Variants in NAA15 observed in about 807,000 individuals in gnomAD.
NAA15 encodes the protein N-terminal acetyltransferase.
A neutral mutation model predicts 114.0 loss-of-function variants in NAA15; 34 were observed. The observed-to-expected ratio is 0.30, with a 90% CI of 0.23 to 0.40. The LOEUF is 0.40. NAA15 is among the 10% of genes least tolerant of loss of function. NAA15 has a pLI of 1.00. For synonymous variants in NAA15, 340 were observed against 338.0 expected (o/e 1.01, Z -0.06); for missense variants, 658 against 1,004.5 (o/e 0.66, Z 4.66).
chr4:139,361,651 C>T (rs1748135026), intron 13 of NAA15, 73 bp from the exon 14 acceptor site: 11 of 890,894 alleles, frequency 1.2e-5, no homozygotes, highest in African/African-American at 5.1e-5. Flanking sequence ...ACAAGTATTC[C>T]AATGCTTTGA....
At chr4:139,366,117 A>G (rs1748275651) in intron 14 of NAA15, among the ~76,000 whole-genome samples, 1 of 151,456 alleles carries the variant, frequency 6.6e-6, no homozygotes, top group Admixed American at 6.6e-5. Context: ...GCTTTATGTT[A>G]TCTATTGCTG....
At chr4:139,347,963 C>T (rs1226150996) in intron 6 of NAA15, among the ~76,000 whole-genome samples, 1 of 146,722 alleles carries the variant, frequency 6.8e-6, no homozygotes, top group African/African-American at 2.5e-5. Context: ...ACCCGGGAAG[C>T]GGAGCTTGCA....
intron 14 of NAA15, among the ~76,000 whole-genome samples, chr4:139,364,761 A>C (rs1483788182): frequency 6.6e-6 from 1 of 152,194 alleles, no homozygotes; most frequent in Non-Finnish European, 1.5e-5. Context: ...ATTTTTGCTT[A>C]TGCATACACG....
At chr4:139,342,776 T>TG in intron 4 of NAA15, 50 bp from the exon 5 acceptor site, 1 of 1,570,212 alleles carries the variant, frequency 6.4e-7, no homozygotes, top group Non-Finnish European at 8.7e-7. Context: ...AAGGAGCACT[T>TG]GCTGTTACTA....
chr4:139,351,144 A>G lies in NAA15; in HGVS notation c.812-47A>G, dbSNP rs1206139194. ...AAGTTCGTAATTTTCCAGAAAAAAT[A>G]TACAATTTATGATTATATATAACAA... is the stretch of plus-strand genomic sequence containing the variant. On this transcript the variant is annotated intron_variant, in intron 7 of 19. Transcript: ENST00000296543. 7.2e-6 allele frequency: 7 copies of G among 970,482 alleles called. No homozygotes were observed. The African/African-American group carries it at 8.3e-5, about 12-fold the overall frequency. 60.1% of individuals were successfully genotyped at this position (970,482 alleles called of 1,614,324 possible). A position where few individuals can be genotyped will look rare whatever the true frequency, so the allele number is the denominator to read the frequency against.
At chr4:139,381,425 TC>T (rs1292898702) in intron 17 of NAA15, among the ~76,000 whole-genome samples, 6 of 152,084 alleles carry the variant, frequency 3.9e-5, no homozygotes, top group African/African-American at 1.2e-4. Context: ...GAAACTTAGG[TC>T]TTTTTCCTCT....
At chr4:139,335,380 T>C (rs898378956) in intron 2 of NAA15, among the ~76,000 whole-genome samples, 2 of 152,120 alleles carry the variant, frequency 1.3e-5, no homozygotes, top group Non-Finnish European at 2.9e-5. Flanking sequence ...TCTTCTTGTT[T>C]TTTGAGATAG....
chr4:139,345,788 G>T (rs1051448062), intron 6 of NAA15, among the ~76,000 whole-genome samples: 1 of 152,150 alleles, frequency 6.6e-6, no homozygotes, highest in African/African-American at 2.4e-5. Flanking sequence ...AGGCGTGGTG[G>T]CAGGCGCCTG....
intron 14 of NAA15, among the ~76,000 whole-genome samples, chr4:139,362,823 AAT>A (rs141209438): frequency 0.13 from 20,076 of 152,104 alleles, 1,751 homozygotes; most frequent in South Asian, 0.36. Flanking sequence ...TACGTACAAA[AAT>A]ATGAATTTTG....
Position 139,301,610 on chromosome 4 carries a change from G to GA in NAA15, c.-163dup, listed in dbSNP as rs910944000. The GA allele has an allele frequency of 4.5e-5, 31 of 683,964 alleles. No homozygotes were observed. In the African/African-American group the frequency reaches 5.3e-4, roughly 12 times the overall value. The allele number at this position is 683,964 out of a possible 1,614,324, so 42.4% of individuals were successfully genotyped here. A position where few individuals can be genotyped will look rare whatever the true frequency, so the allele number is the denominator to read the frequency against. ...GTGAGAAAGGAAAAAAGACAACGAG[G>GA]AAAAAGGAGGTGTCCGGGTAGGGCA... On this transcript the variant is annotated 5_prime_UTR_variant, in exon 1 of 20. Transcript: ENST00000296543.
chr4:139,320,265 G>A (rs1322467143), intron 1 of NAA15, among the ~76,000 whole-genome samples: 2 of 152,184 alleles, frequency 1.3e-5, no homozygotes, highest in Non-Finnish European at 2.9e-5. Flanking sequence ...TTGTTCTAAT[G>A]TCAGTTTATT....
At position 139,360,787 on chromosome 4, in the gene NAA15, G is replaced by A. The variant is rs2060685; in HGVS notation, c.1539+159G>A. On this transcript the variant is annotated intron_variant, in intron 13 of 19. Transcript: ENST00000296543. ...AGTTTTCATACTGGAAATATAGACT[G>A]CATTTTCAGCCAGGGTCTCTATTGT... Among the ~76,000 whole-genome samples, 138,241 of 152,192 alleles carry A rather than the reference G, an allele frequency of 0.91. 62,965 individuals carry two copies. Among genetic ancestry groups the A allele is most frequent in the African/African-American group, 0.97 (40,504 of 41,546 alleles).
chr4:139,306,383 C>CG (rs1746014437), intron 1 of NAA15, among the ~76,000 whole-genome samples: 1 of 149,714 alleles, frequency 6.7e-6, no homozygotes, highest in Non-Finnish European at 1.5e-5. Flanking sequence ...CGCCTGCCAC[C>CG]ACACTCGGCT....
rs1748746453 is a variant in NAA15, at chr4:139,381,232, C to T, written c.2155+2378C>T. Among the ~76,000 whole-genome samples the T allele has an allele frequency of 2.6e-5, 4 of 152,174 alleles. No homozygotes were observed. The South Asian group carries it at 8.3e-4, about 32-fold the overall frequency. ...TTATGAGGATGATATATTTAATACC[C>T]TTTTAAAGTTTTTTATGATTTTAAA... On this transcript the variant is annotated intron_variant, in intron 17 of 19. Coordinates refer to ENST00000296543, the MANE Select transcript of NAA15 (RefSeq NM_057175.5).
intron 3 of NAA15, among the ~76,000 whole-genome samples, chr4:139,339,936 C>T (rs895733639): frequency 1.3e-5 from 2 of 152,142 alleles, no homozygotes; most frequent in Non-Finnish European, 2.9e-5. Context: ...GTTTTTACAA[C>T]CTACTTTAAT....
intron 6 of NAA15, among the ~76,000 whole-genome samples, chr4:139,345,561 C>T (rs1747551489): frequency 6.6e-6 from 1 of 152,094 alleles, no homozygotes; most frequent in South Asian, 2.1e-4. Flanking sequence ...CATTGGTGAC[C>T]TTAACAAAAG....
chr4:139,352,370 A>G (rs957195131), intron 9 of NAA15, among the ~76,000 whole-genome samples: 3 of 152,112 alleles, frequency 2.0e-5, no homozygotes, highest in African/African-American at 7.2e-5. Context: ...CGGCCTCCCA[A>G]AGTGCTGGGA....
At chr4:139,366,823 G>A (rs1053540192) in intron 14 of NAA15, among the ~76,000 whole-genome samples, 15 of 152,092 alleles carry the variant, frequency 9.9e-5, no homozygotes, top group African/African-American at 3.4e-4. Flanking sequence ...TGCCCAGGCT[G>A]TTCTCAAAGT....
chr4:139,334,121 A>G, intron 1 of NAA15, 53 bp from the exon 2 acceptor site: 1 of 1,102,894 alleles, frequency 9.1e-7, no homozygotes, highest in Non-Finnish European at 1.3e-6. Context: ...CGTTGAATTT[A>G]AAGTTGTTTG....
Sources: gnomAD v4.1 joint callset for allele counts (sites outside exome capture counted in the v4.1 genomes callset) on GRCh38, gnomAD v4.1.1 for gene constraint, MANE v1.5 for transcripts, NCBI Gene and HGNC (gene_info 2026-07-23, HGNC 2026-07-21) for gene names.